Variants in SYT9 observed in about 807,000 individuals in gnomAD.
The protein encoded by SYT9 is synaptotagmin 9, also known as synaptotagmin-9.
Under a neutral mutation model 48.4 loss-of-function variants are expected in SYT9, and 22 were observed. The observed-to-expected ratio is 0.45, with a 90% CI of 0.32 to 0.65. The LOEUF (loss-of-function observed/expected upper bound fraction) is 0.65. SYT9 is among the 30% of genes least tolerant of loss of function. SYT9 has a pLI of 0.03. For synonymous variants in SYT9, 265 were observed against 245.0 expected (o/e 1.08, Z -0.76); for missense variants, 577 against 622.0 (o/e 0.93, Z 0.77).
intron 6 of SYT9, chr11:7,465,766 TG>T: frequency 1.7e-5 from 3 of 181,436 alleles, no homozygotes; most frequent in Admixed American, 6.1e-5. Context: ...TCCACATGGC[TG>T]GGGAGGCCTC....
intron 3 of SYT9, among the ~76,000 whole-genome samples, chr11:7,397,904 ATAAG>A (rs1199915465): frequency 6.6e-6 from 1 of 152,208 alleles, no homozygotes; most frequent in Non-Finnish European, 1.5e-5. Flanking sequence ...GATTTTCTGC[ATAAG>A]TAAGCATTGC....
intron 6 of SYT9, among the ~76,000 whole-genome samples, chr11:7,445,191 G>A (rs1564906565): frequency 1.3e-5 from 2 of 152,194 alleles, no homozygotes; most frequent in African/African-American, 4.8e-5. Context: ...GTTTAACACA[G>A]CATCTGGAAC....
At chr11:7,270,315 AT>A (rs1317326359) in intron 1 of SYT9, among the ~76,000 whole-genome samples, 1 of 152,200 alleles carries the variant, frequency 6.6e-6, no homozygotes, top group Non-Finnish European at 1.5e-5. Context: ...AATGCAGCTC[AT>A]AAACGCTGTT....
chr11:7,254,750 G>C (rs1188477745), intron 1 of SYT9, among the ~76,000 whole-genome samples: 2 of 152,088 alleles, frequency 1.3e-5, no homozygotes, highest in South Asian at 4.1e-4. Flanking sequence ...GTGATAGCTA[G>C]GTTTTCTCAA....
intron 3 of SYT9, among the ~76,000 whole-genome samples, chr11:7,332,369 A>C (rs987482597): frequency 6.6e-6 from 1 of 152,222 alleles, no homozygotes; most frequent in Admixed American, 6.5e-5. Flanking sequence ...TTTCCCAAGA[A>C]ATATAGAGCC....
chr11:7,383,825 C>A (rs1850608912), intron 3 of SYT9, among the ~76,000 whole-genome samples: 1 of 152,188 alleles, frequency 6.6e-6, no homozygotes, highest in South Asian at 2.1e-4. Flanking sequence ...AATTCAGCTT[C>A]AGTCCCTTGC....
chr11:7,307,940 C>T (rs1174186193), intron 2 of SYT9, among the ~76,000 whole-genome samples: 3 of 152,236 alleles, frequency 2.0e-5, no homozygotes, highest in Non-Finnish European at 4.4e-5. Context: ...AACACACCTC[C>T]ACTGGCCCCA....
At chr11:7,351,468 T>C (rs1178885479) in intron 3 of SYT9, among the ~76,000 whole-genome samples, 1 of 152,168 alleles carries the variant, frequency 6.6e-6, no homozygotes, top group Non-Finnish European at 1.5e-5. Context: ...ACTCCTTGTG[T>C]GGGAGCTGTA....
chr11:7,440,215 A>G (rs1847802961), intron 6 of SYT9: 1 of 151,964 alleles, frequency 6.6e-6, no homozygotes, highest in East Asian at 1.9e-4. Flanking sequence ...AGTTTCCCAC[A>G]GTTTAGAAGT....
intron 3 of SYT9, among the ~76,000 whole-genome samples, chr11:7,353,135 G>A (rs1490478772): frequency 6.6e-6 from 1 of 152,028 alleles, no homozygotes; most frequent in Non-Finnish European, 1.5e-5. Flanking sequence ...AGTCAAGTTG[G>A]GACCTTTAAA....
intron 1 of SYT9, among the ~76,000 whole-genome samples, chr11:7,257,332 C>A (rs1847991459): frequency 6.6e-6 from 1 of 152,052 alleles, no homozygotes; most frequent in Non-Finnish European, 1.5e-5. Context: ...CTTTTAAGGG[C>A]TCATTGAACA....
intron 1 of SYT9, among the ~76,000 whole-genome samples, chr11:7,242,676 G>A (rs1310405056): frequency 2.0e-5 from 3 of 152,104 alleles, no homozygotes; most frequent in African/African-American, 7.2e-5. Flanking sequence ...TGGAGAGAAT[G>A]AGAAAGAATA....
At chr11:7,270,832 G>GACACACAGACACAC (rs1848280577) in intron 1 of SYT9, among the ~76,000 whole-genome samples, 1 of 147,176 alleles carries the variant, frequency 6.8e-6, no homozygotes, top group Non-Finnish European at 1.5e-5. Context: ...ACAAGACACA[G>GACACACAGACACAC]ACACACACAC....
intron 3 of SYT9, among the ~76,000 whole-genome samples, chr11:7,399,536 A>G (rs1241764666): frequency 1.3e-5 from 2 of 152,248 alleles, no homozygotes; most frequent in Non-Finnish European, 2.9e-5. Flanking sequence ...TTTTGGTAAT[A>G]AAGCATATGC....
At chr11:7,284,723 G>A (rs527415429) in intron 1 of SYT9, among the ~76,000 whole-genome samples, 2 of 152,094 alleles carry the variant, frequency 1.3e-5, no homozygotes, top group Non-Finnish European at 1.5e-5. Context: ...AAAACAAGAT[G>A]TCTTTCATTC....
rs12418257 is a variant in SYT9 at position 7,358,284 on chromosome 11, T to G, written c.1044+44343T>G. Among the ~76,000 whole-genome samples the G allele has an allele frequency of 7.9e-3, 1,206 of 152,244 alleles. 6 individuals carry two copies. Among genetic ancestry groups the G allele is most frequent in the South Asian group, 0.043 (207 of 4,818 alleles). ...CATTGTCTTCTTTTAAAGTTATGGT[T>G]TTTTTGGCTGGTGAATAAAAATGCT... On this transcript the variant is annotated intron_variant, in intron 3 of 6. Coordinates refer to ENST00000318881, the MANE Select transcript of SYT9 (RefSeq NM_175733.4).
chr11:7,249,109 T>C (rs1564835258), upstream of SYT9, among the ~76,000 whole-genome samples: 2 of 152,168 alleles, frequency 1.3e-5, no homozygotes, highest in Non-Finnish European at 2.9e-5. Context: ...TATGACCTCA[T>C]TTACTCTTAA....
chr11:7,441,731 A>G (rs1028000994), intron 6 of SYT9: 4 of 152,222 alleles, frequency 2.6e-5, no homozygotes, highest in African/African-American at 9.7e-5. Flanking sequence ...TGTTAAGAGC[A>G]AGGAAAAAAT....
chr11:7,287,104 A>T (rs1848610563), intron 1 of SYT9, among the ~76,000 whole-genome samples: 1 of 152,212 alleles, frequency 6.6e-6, no homozygotes, highest in African/African-American at 2.4e-5. Flanking sequence ...GGTAATTTAT[A>T]AAGGAAAGAG....
Sources: gnomAD v4.1 joint callset for allele counts (sites outside exome capture counted in the v4.1 genomes callset) on GRCh38, gnomAD v4.1.1 for gene constraint, MANE v1.5 for transcripts, NCBI Gene and HGNC (gene_info 2026-07-23, HGNC 2026-07-21) for gene names.